UBE2D2: variants seen among roughly 807,000 people sequenced by gnomAD.
UBE2D2 encodes ubiquitin-conjugating enzyme E2 D2.
UBE2D2 carries 2 observed loss-of-function variants against 24.2 expected under a neutral mutation model. That is an observed-to-expected ratio of 0.08 (90% CI 0.03 to 0.26). The LOEUF is 0.26. Among genes scored for constraint, UBE2D2 ranks in the 10% least tolerant of loss-of-function variants. UBE2D2 has a pLI of 1.00. For synonymous variants in UBE2D2, 58 were observed against 56.5 expected (o/e 1.03, Z -0.12); for missense variants, 44 against 177.6 (o/e 0.25, Z 4.28).
At chr5:139,566,647 C>T (rs1375665790) in intron 1 of UBE2D2, among the ~76,000 whole-genome samples, 1 of 152,030 alleles carries the variant, frequency 6.6e-6, no homozygotes, top group Non-Finnish European at 1.5e-5. Flanking sequence ...TACACTCCAG[C>T]CTATGCAACA....
chr5:139,619,828 A>C (rs1189902747), intron 5 of UBE2D2, among the ~76,000 whole-genome samples: 1 of 151,600 alleles, frequency 6.6e-6, no homozygotes, highest in Admixed American at 6.6e-5. Context: ...GCGCCATTGC[A>C]CTCCAGCCTG....
chr5:139,571,700 G>A (rs1047571277), intron 1 of UBE2D2, among the ~76,000 whole-genome samples: 3 of 151,688 alleles, frequency 2.0e-5, no homozygotes, highest in African/African-American at 7.3e-5. Context: ...TTTTCCCTTT[G>A]CCAAACTTAA....
At chr5:139,575,865 A>G (rs1753458524) in intron 1 of UBE2D2, among the ~76,000 whole-genome samples, 1 of 152,180 alleles carries the variant, frequency 6.6e-6, no homozygotes, top group South Asian at 2.1e-4. Context: ...AAAAACTGCA[A>G]AACTTAGCCA....
rs140821528 is a variant in UBE2D2, at chr5:139,607,596, A to G, written c.89-6990A>G. On this transcript the variant is annotated intron_variant, in intron 2 of 6. Transcript: ENST00000398733. ...GGTTTTTATTCAGAGTTTAATGCCA[A>G]TGGATTACATATGTTTAGTCCTGTT... 1.2e-4 allele frequency among the ~76,000 whole-genome samples: 18 copies of G among 152,334 alleles called. No individual in the cohort carries two copies. In the East Asian group the frequency reaches 2.9e-3, roughly 24 times the overall value.
chr5:139,622,885 A>C (rs1754541590), intron 5 of UBE2D2, among the ~76,000 whole-genome samples: 1 of 147,482 alleles, frequency 6.8e-6, no homozygotes, highest in African/African-American at 2.5e-5. Flanking sequence ...ACAGAGCCAG[A>C]CTCCGTCTCA....
chr5:139,584,512 TTTTCTTTTTTCTTTTCTTTTC>T (rs1753676446), intron 1 of UBE2D2, among the ~76,000 whole-genome samples: 2 of 149,060 alleles, frequency 1.3e-5, no homozygotes, highest in Admixed American at 6.7e-5. Context: ...CAAAACACCT[TTTTCTTTTTTCTTTTCTTTTC>T]TTTTTTTTTT....
intron 5 of UBE2D2, among the ~76,000 whole-genome samples, chr5:139,616,543 A>G (rs899920470): frequency 2.0e-5 from 3 of 152,232 alleles, no homozygotes; most frequent in Admixed American, 2.0e-4. Flanking sequence ...CAAAGAATAA[A>G]TAAATGAATG....
rs542441955 is a variant in UBE2D2, at chr5:139,553,363, C to T, written c.-64+26751C>T. 2.5e-4 allele frequency among the ~76,000 whole-genome samples: 38 copies of T among 152,250 alleles called. 1 individual carries two copies. The South Asian group carries it at 7.7e-3, about 31-fold the overall frequency. On this transcript the variant is annotated intron_variant, in intron 1 of 6. Transcript: ENST00000511725. ...GTTCCCAAACTGCTTGGGCTGTACT[C>T]TCTATTCAGTAGTACTTTTTACCAC...
intron 1 of UBE2D2, among the ~76,000 whole-genome samples, chr5:139,564,503 G>T (rs1753177161): frequency 6.6e-6 from 1 of 151,806 alleles, no homozygotes; most frequent in Non-Finnish European, 1.5e-5. Flanking sequence ...GCCCAGGCTG[G>T]AGTGCAGTGG....
chr5:139,547,426 G>A (rs143439277), intron 1 of UBE2D2, among the ~76,000 whole-genome samples: 32 of 152,238 alleles, frequency 2.1e-4, no homozygotes, highest in African/African-American at 7.2e-4. Flanking sequence ...ATATTGGCCA[G>A]GATGGTCTCA....
intron 1 of UBE2D2, among the ~76,000 whole-genome samples, chr5:139,573,631 C>T (rs935363139): frequency 4.6e-5 from 7 of 152,018 alleles, no homozygotes; most frequent in South Asian, 4.2e-4. Context: ...TGAAATAATA[C>T]GACTACTTGG....
chr5:139,579,093 G>C (rs1753542325), intron 1 of UBE2D2, among the ~76,000 whole-genome samples: 1 of 152,058 alleles, frequency 6.6e-6, no homozygotes. Context: ...TCAGCCTCCT[G>C]GGTAGCTTGA....
At chr5:139,605,591 CAAAAAAAAA>C (rs70988710) in intron 2 of UBE2D2, among the ~76,000 whole-genome samples, 4 of 44,708 alleles carry the variant, frequency 8.9e-5, no homozygotes, top group Non-Finnish European at 1.6e-4. Flanking sequence ...GACTCTGTCT[CAAAAAAAAA>C]AAAAAAAAAA....
chr5:139,526,486 G>C (rs1256366774), exon 1 of UBE2D2: 1 of 152,352 alleles, frequency 6.6e-6, no homozygotes, highest in Non-Finnish European at 1.5e-5. Flanking sequence ...GAGCGCTCCC[G>C]GGTAGGAAAT....
intron 1 of UBE2D2, among the ~76,000 whole-genome samples, chr5:139,576,928 A>C (rs1753482608): frequency 6.8e-6 from 1 of 147,914 alleles, no homozygotes; most frequent in Admixed American, 6.8e-5. Flanking sequence ...CCCAGGCTTG[A>C]AACTTGGATC....
chr5:139,614,846 C>T lies in UBE2D2; in HGVS notation c.199-15C>T. On this transcript the variant is annotated splice_polypyrimidine_tract_variant and intron_variant, in intron 4 of 6. Coordinates refer to ENST00000398733, the MANE Select transcript of UBE2D2 (RefSeq NM_003339.3). ...TAATAAACTAGTTTACAGAAAGTTT[C>T]CTTTCTTTCTGTAGGTTGCATTTAC... 6.2e-7 allele frequency: 1 copy of T among 1,611,538 alleles called. No individual in the cohort carries two copies. Among genetic ancestry groups the T allele is most frequent in the South Asian group, 1.1e-5 (1 of 90,644 alleles).
At chr5:139,590,443 T>TA (rs1035963843) in intron 1 of UBE2D2, among the ~76,000 whole-genome samples, 1,471 of 94,992 alleles carry the variant, frequency 0.015, 18 homozygotes, top group African/African-American at 0.045. Flanking sequence ...TCAAAAAAAA[T>TA]AAAAAAAAAA....
intron 1 of UBE2D2, among the ~76,000 whole-genome samples, chr5:139,584,362 T>C (rs1581509152): frequency 6.6e-6 from 1 of 152,136 alleles, no homozygotes; most frequent in East Asian, 1.9e-4. Context: ...TTGATGTTCC[T>C]ACAGCTACAC....
In UBE2D2 at chr5:139,531,031, A is replaced by G. The variant is rs1325098471; in HGVS notation, c.-64+4419A>G. The stretch of plus-strand genomic sequence containing the variant: ...ATTGCACAAAAAGACATAAGTAGCA[A>G]AAACAAAAGTGAGAACTCCCACTAA... On this transcript the variant is annotated intron_variant, in intron 1 of 6. Coordinates refer to the UBE2D2 transcript ENST00000511725. 3.3e-5 allele frequency among the ~76,000 whole-genome samples: 5 copies of G among 152,352 alleles called. No homozygotes were observed. In the East Asian group the frequency reaches 9.6e-4, roughly 29 times the overall value.
Sources: allele counts gnomAD v4.1 joint callset (sites outside exome capture counted in the v4.1 genomes callset), GRCh38; gene constraint gnomAD v4.1.1; transcripts MANE v1.5; gene names NCBI Gene and HGNC (gene_info 2026-07-23, HGNC 2026-07-21).